HDAC9: variants seen among roughly 807,000 people sequenced by gnomAD.
The protein encoded by HDAC9 is MEF-2 interacting transcription repressor (MITR) protein.
In HDAC9, 41 loss-of-function variants were observed where a neutral mutation model predicts 139.4. That is an observed-to-expected ratio of 0.29 (90% CI 0.23 to 0.38). The LOEUF (loss-of-function observed/expected upper bound fraction) is 0.38, where lower values mean the gene tolerates loss of function less well. HDAC9 is among the 10% of genes least tolerant of loss of function. The pLI, the probability that HDAC9 is intolerant of heterozygous loss-of-function variation, is 1.00. For missense variants in HDAC9, 1,147 were observed against 1,297.0 expected (o/e 0.88, Z 1.78); for synonymous variants, 517 against 476.2 (o/e 1.09, Z -1.12).
At chr7:18,505,540 A>G (rs1799533538) in intron 2 of HDAC9, among the ~76,000 whole-genome samples, 1 of 152,120 alleles carries the variant, frequency 6.6e-6, no homozygotes, top group Non-Finnish European at 1.5e-5. Context: ...TTAGGTGAAA[A>G]CTGGATGGCT....
intron 1 of HDAC9, among the ~76,000 whole-genome samples, chr7:18,342,496 A>C (rs565205506): frequency 6.6e-6 from 1 of 151,862 alleles, no homozygotes; most frequent in Non-Finnish European, 1.5e-5. Flanking sequence ...TCATTATGCC[A>C]TCTTGACAGG....
chr7:18,912,318 T>A (rs747453586), intron 22 of HDAC9, among the ~76,000 whole-genome samples: 16 of 152,068 alleles, frequency 1.1e-4, no homozygotes, highest in Non-Finnish European at 2.2e-4. Context: ...CATAAAAACC[T>A]TTACCCCTAA....
At chr7:18,388,686 G>A (rs1212410586) in intron 1 of HDAC9, among the ~76,000 whole-genome samples, 2 of 152,094 alleles carry the variant, frequency 1.3e-5, no homozygotes, top group Non-Finnish European at 1.5e-5. Flanking sequence ...TCTCTACTCA[G>A]TGGTGGCCAC....
intron 22 of HDAC9, among the ~76,000 whole-genome samples, chr7:18,917,907 T>A (rs1233828059): frequency 6.6e-6 from 1 of 151,986 alleles, no homozygotes; most frequent in Admixed American, 6.6e-5. Flanking sequence ...ATTGGGGCCC[T>A]GATTACCAAA....
intron 1 of HDAC9, among the ~76,000 whole-genome samples, chr7:18,291,238 C>G (rs1797786199): frequency 6.6e-6 from 1 of 152,034 alleles, no homozygotes; most frequent in Non-Finnish European, 1.5e-5. Context: ...AATTATGAGT[C>G]ATAGAAAGCA....
At chr7:18,957,153 G>A (rs1427606171) in intron 24 of HDAC9, among the ~76,000 whole-genome samples, 3 of 152,162 alleles carry the variant, frequency 2.0e-5, no homozygotes, top group Non-Finnish European at 4.4e-5. Context: ...AGATCGGAAA[G>A]CGATCTCTCA....
intron 22 of HDAC9, among the ~76,000 whole-genome samples, chr7:18,893,951 A>G (rs1343664537): frequency 6.6e-6 from 1 of 152,214 alleles, no homozygotes. Context: ...CACAGTGCCA[A>G]AGGAAGAAGA....
chr7:18,551,634 A>C (rs572412172), intron 2 of HDAC9, among the ~76,000 whole-genome samples: 4 of 152,244 alleles, frequency 2.6e-5, no homozygotes, highest in African/African-American at 9.6e-5. Context: ...ATGTGATTCA[A>C]TATCTTCCTG....
rs200884024 is a variant in HDAC9, at chr7:18,346,740, A to G, written c.-42+56225A>G. Among the ~76,000 whole-genome samples the G allele has an allele frequency of 2.1e-4, 32 of 152,254 alleles. No individual in the cohort carries two copies. In the East Asian group the frequency reaches 5.0e-3, roughly 24 times the overall value. ...AAAGACACTTTTTTCTTCCACAATTACAATAGACACTGGTATGGTTTATTG... is the reference window on the plus strand; with the variant it reads ...AAAGACACTTTTTTCTTCCACAATTGCAATAGACACTGGTATGGTTTATTG... On this transcript the variant is annotated intron_variant, in intron 1 of 3. Coordinates refer to the HDAC9 transcript ENST00000413509.
At chr7:18,121,617 T>A (rs1006124333) in intron 1 of HDAC9, among the ~76,000 whole-genome samples, 1 of 151,356 alleles carries the variant, frequency 6.6e-6, no homozygotes, top group Admixed American at 6.6e-5. Flanking sequence ...CATTCAATAA[T>A]TGAACCTTTT....
At chr7:18,265,440 T>C (rs1175802063) in intron 2 of HDAC9, among the ~76,000 whole-genome samples, 1 of 152,182 alleles carries the variant, frequency 6.6e-6, no homozygotes, top group Non-Finnish European at 1.5e-5. Context: ...AAGCATATTG[T>C]ATAGTTTTGT....
intron 1 of HDAC9, among the ~76,000 whole-genome samples, chr7:18,300,252 C>G (rs1321239175): frequency 6.6e-6 from 1 of 151,572 alleles, no homozygotes; most frequent in Non-Finnish European, 1.5e-5. Flanking sequence ...ATGTGTGGCC[C>G]AAGACAGTTC....
chr7:18,420,271 G>GCC (rs1028817011), intron 1 of HDAC9, among the ~76,000 whole-genome samples: 8 of 152,106 alleles, frequency 5.3e-5, no homozygotes, highest in Non-Finnish European at 1.0e-4. Flanking sequence ...CTAGGAATAG[G>GCC]TGTACTTTCT....
chr7:18,923,389 A>T lies in HDAC9; in HGVS notation c.2804-12420A>T, dbSNP rs6969022. Among the ~76,000 whole-genome samples the T allele has an allele frequency of 3.1e-3, 476 of 152,118 alleles. 4 individuals are homozygous for T. Among genetic ancestry groups the T allele is most frequent in the African/African-American group, 0.01 (434 of 41,520 alleles). On this transcript the variant is annotated intron_variant, in intron 22 of 25. Transcript: ENST00000686413. ...AAGTAGTTGCCTAATCTCATTATAG[A>T]CCCTTGTTGAAAGATGTCCATGACC... is the stretch of plus-strand genomic sequence containing the variant.
intron 1 of HDAC9, among the ~76,000 whole-genome samples, chr7:18,103,659 GA>G (rs1281040359): frequency 3.3e-5 from 5 of 152,162 alleles, no homozygotes; most frequent in African/African-American, 1.2e-4. Context: ...TATCGTTATG[GA>G]TAGGTTCTTG....
At chr7:18,940,576 G>C (rs1209089881) in intron 23 of HDAC9, among the ~76,000 whole-genome samples, 2 of 152,162 alleles carry the variant, frequency 1.3e-5, no homozygotes, top group African/African-American at 4.8e-5. Flanking sequence ...TAAATGAGAA[G>C]AATCATTAAG....
chr7:18,639,813 AC>A (rs1785011548), intron 8 of HDAC9, among the ~76,000 whole-genome samples: 1 of 151,936 alleles, frequency 6.6e-6, no homozygotes, highest in Non-Finnish European at 1.5e-5. Flanking sequence ...ATTCTAATAG[AC>A]ACACATGTTA....
chr7:18,293,057 A>G (rs527603927), intron 1 of HDAC9, among the ~76,000 whole-genome samples: 1 of 152,224 alleles, frequency 6.6e-6, no homozygotes, highest in South Asian at 2.1e-4. Context: ...TGCAAACATC[A>G]GACATAAATG....
intron 2 of HDAC9, among the ~76,000 whole-genome samples, chr7:18,513,038 TAATTA>T (rs1454254931): frequency 2.0e-5 from 3 of 152,240 alleles, no homozygotes; most frequent in Non-Finnish European, 4.4e-5. Context: ...GACAAACTGT[TAATTA>T]AATAGTTTGG....
Sources: gnomAD v4.1 joint callset for allele counts (sites outside exome capture counted in the v4.1 genomes callset) on GRCh38, gnomAD v4.1.1 for gene constraint, MANE v1.5 for transcripts, NCBI Gene and HGNC (gene_info 2026-07-23, HGNC 2026-07-21) for gene names.